GRIP1: variants seen among roughly 807,000 people sequenced by gnomAD.
The protein encoded by GRIP1 is glutamate receptor interacting protein 1, also known as glutamate receptor-interacting protein 1.
Under a neutral mutation model 129.9 loss-of-function variants are expected in GRIP1, and 45 were observed. The observed-to-expected ratio is 0.35, with a 90% confidence interval of 0.27 to 0.44. The LOEUF (loss-of-function observed/expected upper bound fraction) is 0.44. Among genes scored for constraint, GRIP1 ranks in the 20% least tolerant of loss-of-function variants. GRIP1 has a pLI of 1.00. For synonymous variants in GRIP1, 530 were observed against 520.8 expected, an observed-to-expected ratio of 1.02 and a Z score of -0.24; for missense variants, 1,196 against 1,396.8, an observed-to-expected ratio of 0.86 and a Z score of 2.29.
intron 1 of GRIP1, among the ~76,000 whole-genome samples, chr12:66,730,520 T>C (rs1476531661): frequency 1.3e-5 from 2 of 152,128 alleles, no homozygotes; most frequent in African/African-American, 2.4e-5. Flanking sequence ...ACAAGAATTA[T>C]AATTATCTGT....
intron 1 of GRIP1, among the ~76,000 whole-genome samples, chr12:66,863,718 C>T (rs2040152140): frequency 6.6e-6 from 1 of 152,092 alleles, no homozygotes. Context: ...TCATACAGGG[C>T]AGTGTTCCTC....
intron 1 of GRIP1, among the ~76,000 whole-genome samples, chr12:66,982,814 A>AGAATC: frequency 6.6e-6 from 1 of 152,308 alleles, no homozygotes; most frequent in East Asian, 1.9e-4. Context: ...ACCTGCAGGA[A>AGAATC]CTTTTAAATA....
intron 9 of GRIP1, among the ~76,000 whole-genome samples, chr12:66,462,307 C>T (rs1373915977): frequency 6.6e-6 from 1 of 152,164 alleles, no homozygotes; most frequent in African/African-American, 2.4e-5. Context: ...TTTGAAGGTT[C>T]TGCTATTAAA....
chr12:66,983,163 C>A (rs1208369762), intron 1 of GRIP1, among the ~76,000 whole-genome samples: 1 of 152,128 alleles, frequency 6.6e-6, no homozygotes, highest in South Asian at 2.1e-4. Flanking sequence ...ACTGGACTGC[C>A]TTTCTCTTGA....
At chr12:66,988,596 G>A (rs1485120612) in intron 1 of GRIP1, among the ~76,000 whole-genome samples, 1 of 151,988 alleles carries the variant, frequency 6.6e-6, no homozygotes, top group Non-Finnish European at 1.5e-5. Flanking sequence ...ACAGACTGGC[G>A]TTGAACTCCT....
chr12:66,983,858 T>C (rs552141604), intron 1 of GRIP1, among the ~76,000 whole-genome samples: 1 of 152,256 alleles, frequency 6.6e-6, no homozygotes, highest in South Asian at 2.1e-4. Context: ...GGAATTATCC[T>C]GGTGTCTGTT....
intron 1 of GRIP1, among the ~76,000 whole-genome samples, chr12:66,740,344 C>G (rs112589278): frequency 6.6e-6 from 1 of 152,120 alleles, no homozygotes; most frequent in South Asian, 2.1e-4. Flanking sequence ...CACCCCTGTC[C>G]GTGCCTATGA....
chr12:66,484,154 C>A (rs566091683), intron 7 of GRIP1, among the ~76,000 whole-genome samples: 1 of 152,276 alleles, frequency 6.6e-6, no homozygotes, highest in Admixed American at 6.5e-5. Flanking sequence ...CCACTGCGCC[C>A]GGCCCATTAT....
chr12:66,522,776 T>A (rs1421876496), intron 5 of GRIP1, among the ~76,000 whole-genome samples: 1 of 151,800 alleles, frequency 6.6e-6, no homozygotes. Flanking sequence ...AGTTAAAAAC[T>A]TTGAAAAAAA....
intron 1 of GRIP1, among the ~76,000 whole-genome samples, chr12:67,014,595 A>T (rs1401846926): frequency 6.6e-6 from 1 of 152,166 alleles, no homozygotes; most frequent in Non-Finnish European, 1.5e-5. Flanking sequence ...TTCAGGAATT[A>T]TAACAAATGT....
At chr12:66,941,325 C>A (rs1259852577) in intron 1 of GRIP1, among the ~76,000 whole-genome samples, 1 of 152,208 alleles carries the variant, frequency 6.6e-6, no homozygotes, top group Non-Finnish European at 1.5e-5. Flanking sequence ...ATGGAGGTTA[C>A]AATTTCAGTC....
rs367737589 is a variant in GRIP1 at position 66,987,866 on chromosome 12, A to C, written c.58+81184T>G. 1.0e-3 allele frequency among the ~76,000 whole-genome samples: 157 copies of C among 152,284 alleles called. 1 individual carries two copies. In the Middle Eastern group the frequency reaches 0.02, roughly 20 times the overall value. On this transcript the variant is annotated intron_variant, in intron 1 of 1. Coordinates refer to the GRIP1 transcript ENST00000643019. The stretch of plus-strand genomic sequence containing the variant: ...CAATGCTTTCAGGAATGCCCGGTCA[A>C]CAGCACTACAAGAACACGTGCAAAA...
At chr12:66,849,812 C>G (rs2039879651) in intron 1 of GRIP1, among the ~76,000 whole-genome samples, 2 of 152,106 alleles carry the variant, frequency 1.3e-5, no homozygotes, top group South Asian at 4.1e-4. Context: ...CCTACATCTT[C>G]AATCTGTCCC....
chr12:66,353,457 C>T lies in GRIP1; in HGVS notation c.3119G>A (p.Gly1040Glu). The change falls in exon 24 of 25, where the codon GGA (glycine) becomes GAA (glutamate). Residue 1040 changes from glycine to glutamate, a missense_variant. Around this residue, in one of 5 missense-constraint regions of GRIP1, gnomAD observed 427 missense variants for 463.3 expected, o/e 0.92. Transcript: ENST00000359742. ...YVKNIRPAGPGDLGGLKPYDR... is the reference protein window; with the variant it reads ...YVKNIRPAGPEDLGGLKPYDR... ...ATAGGGCTTTAAGCCACCAAGATCT[C>T]CTGGCCCAGCTGGGCGAATATTTTT... 6.2e-7 allele frequency: 1 copy of T among 1,613,168 alleles called. No individual in the cohort carries two copies. The highest frequency in any genetic ancestry group is 8.5e-7 in the Non-Finnish European group (1 of 1,179,120).
chr12:66,582,939 G>C (rs1460400514), intron 2 of GRIP1, among the ~76,000 whole-genome samples: 2 of 149,918 alleles, frequency 1.3e-5, no homozygotes, highest in Non-Finnish European at 3.0e-5. Flanking sequence ...AAAAGAGCCC[G>C]CATCGCCAAG....
At chr12:66,655,710 C>T (rs1373222397) in intron 1 of GRIP1, among the ~76,000 whole-genome samples, 1 of 150,612 alleles carries the variant, frequency 6.6e-6, no homozygotes, top group Non-Finnish European at 1.5e-5. Flanking sequence ...CCCGGGTTCA[C>T]GCCATTCTCC....
chr12:66,670,105 C>T (rs1408862974), intron 1 of GRIP1, among the ~76,000 whole-genome samples: 4 of 152,098 alleles, frequency 2.6e-5, no homozygotes, highest in African/African-American at 9.7e-5. Flanking sequence ...GCATGAGTAG[C>T]TATGTCCATT....
chr12:67,049,852 CAATT>C (rs887823569), intron 1 of GRIP1, among the ~76,000 whole-genome samples: 10 of 150,494 alleles, frequency 6.6e-5, no homozygotes, highest in Non-Finnish European at 1.0e-4. Flanking sequence ...ATTTATAAAA[CAATT>C]AACAGTATGG....
At chr12:66,694,641 G>A (rs1044506036) in intron 1 of GRIP1, among the ~76,000 whole-genome samples, 8 of 152,282 alleles carry the variant, frequency 5.3e-5, no homozygotes, top group Admixed American at 2.0e-4. Flanking sequence ...AGCATAGTGC[G>A]TGATAAACAG....
Sources: gnomAD v4.1 joint callset for allele counts (sites outside exome capture counted in the v4.1 genomes callset) on GRCh38, gnomAD v4.1.1 for gene constraint, gnomAD v4.1.1 regional missense constraint, MANE v1.5 for transcripts, NCBI Gene and HGNC (gene_info 2026-07-23, HGNC 2026-07-21) for gene names.